The following FXN variants were observed in gnomAD, a reference collection of about 807,000 sequenced individuals.
The protein encoded by FXN is frataxin.
In FXN, 14 loss-of-function variants were observed where a neutral mutation model predicts 22.4. The ratio of observed to expected loss-of-function variants is 0.62; its 90% CI spans 0.41 to 0.98. The LOEUF (loss-of-function observed/expected upper bound fraction) is 0.98, where lower values mean the gene tolerates loss of function less well. Among genes scored for constraint, FXN ranks in the 50% least tolerant of loss-of-function variants. The pLI is 0.00. For missense variants in FXN, 267 were observed against 268.4 expected (o/e 0.99, Z 0.04); for synonymous variants, 120 against 114.1 (o/e 1.05, Z -0.33).
At chr9:69,056,075 C>G (rs949071638) in intron 3 of FXN, among the ~76,000 whole-genome samples, 2 of 151,904 alleles carry the variant, frequency 1.3e-5, no homozygotes, top group African/African-American at 2.4e-5. Context: ...TTATGGGTCT[C>G]GCTATGTTTC....
chr9:69,053,470 T>C (rs1564333623), intron 3 of FXN, among the ~76,000 whole-genome samples: 1 of 130,658 alleles, frequency 7.7e-6, no homozygotes, highest in African/African-American at 3.0e-5. Flanking sequence ...GACTCTGTCA[T>C]AGATGGATGG....
intron 1 of FXN, among the ~76,000 whole-genome samples, chr9:69,040,205 A>G (rs1777217340): frequency 6.6e-6 from 1 of 152,176 alleles, no homozygotes; most frequent in South Asian, 2.1e-4. Context: ...TGCCTTGGGC[A>G]GCTTTTAGAC....
At chr9:69,037,636 G>A (rs1361291802) in intron 1 of FXN, among the ~76,000 whole-genome samples, 1 of 152,156 alleles carries the variant, frequency 6.6e-6, no homozygotes, top group Non-Finnish European at 1.5e-5. Flanking sequence ...TTCCACCCCT[G>A]CCTGTGTGGA....
chr9:69,072,944 A>G lies in FXN; in HGVS notation c.*182A>G, dbSNP rs1832300509. ...TGTGTTGCCTCCTACCTTGCCCCCAAGTTCTGATTTTTAATTTCTATGGAA... is the reference window on the plus strand; with the variant it reads ...TGTGTTGCCTCCTACCTTGCCCCCAGGTTCTGATTTTTAATTTCTATGGAA... On this transcript the variant is annotated 3_prime_UTR_variant, in exon 5 of 5. Transcript: ENST00000484259. The G allele has an allele frequency of 1.7e-5, 24 of 1,450,878 alleles. No individual in the cohort carries two copies. Among genetic ancestry groups the G allele is most frequent in the Non-Finnish European group, 2.1e-5 (23 of 1,111,536 alleles). 89.9% of individuals were successfully genotyped at this position (1,450,878 alleles called of 1,614,324 possible).
At chr9:69,047,582 G>A (rs1831781520) in intron 2 of FXN, among the ~76,000 whole-genome samples, 1 of 152,306 alleles carries the variant, frequency 6.6e-6, no homozygotes, top group Non-Finnish European at 1.5e-5. Context: ...CACAAGGCAG[G>A]CAGGCAGTGG....
chr9:69,072,534 G>A lies in FXN; in HGVS notation c.483-78G>A, dbSNP rs1832293623. On this transcript the variant is annotated intron_variant, in intron 4 of 4. Transcript: ENST00000484259. The stretch of plus-strand genomic sequence containing the variant: ...GAGCTTTACTCCAGTCAATTTCTTG[G>A]GGGCAGCATTTGTGGAATCAGTGGT... 7 of 1,608,944 alleles carry A rather than the reference G, an allele frequency of 4.4e-6. No homozygotes were observed. The South Asian group carries it at 6.6e-5, about 15-fold the overall frequency.
chr9:69,073,346 C>G lies in FXN; in HGVS notation c.*584C>G. On this transcript the variant is annotated 3_prime_UTR_variant, in exon 5 of 5. Coordinates refer to ENST00000484259, the MANE Select transcript of FXN (RefSeq NM_000144.5). The stretch of plus-strand genomic sequence containing the variant: ...TGTGACTGCCAAGGTGTGGCCTGCA[C>G]TGGGTTGTCCAGGGAGACCTAGTGC... 5 of 991,452 alleles carry G rather than the reference C, an allele frequency of 5.0e-6. No individual in the cohort carries two copies. Among genetic ancestry groups the G allele is most frequent in the Non-Finnish European group, 6.0e-6 (5 of 833,500 alleles). 61.4% of individuals were successfully genotyped at this position (991,452 alleles called of 1,614,324 possible).
chr9:69,067,398 A>C (rs1481285191), intron 4 of FXN, among the ~76,000 whole-genome samples: 1 of 152,238 alleles, frequency 6.6e-6, no homozygotes. Flanking sequence ...GGCCGTCGTC[A>C]TTGTTTTTAT....
At chr9:69,052,102 C>T (rs1371243768) in intron 2 of FXN, among the ~76,000 whole-genome samples, 3 of 151,652 alleles carry the variant, frequency 2.0e-5, no homozygotes, top group Non-Finnish European at 4.4e-5. Flanking sequence ...CCCGCCTCAG[C>T]CTCCCAAAAT....
At position 69,037,284 on chromosome 9, in the gene FXN, A is replaced by AAAAAGAAGAAGAAGAAGAAG. The variant is rs544093183; in HGVS notation, c.165+1339_165+1340insAAGAAGAAGAAGAAGAAGAA. 3.3e-3 allele frequency among the ~76,000 whole-genome samples: 260 copies of AAAAAGAAGAAGAAGAAGAAG among 78,042 alleles called. 1 individual carries two copies. The highest frequency in any genetic ancestry group is 5.2e-3 in the Non-Finnish European group (206 of 39,494). 51.2% of individuals were successfully genotyped at this position (78,042 alleles called of 152,430 possible). On this transcript the variant is annotated intron_variant, in intron 1 of 4. Transcript: ENST00000484259. ...ACTAAAAAATACAAAAAAAAAAAAA[A>AAAAAGAAGAAGAAGAAGAAG]AAGAAGAAGAAGAAGAAGAAAATAA...
At chr9:69,063,364 A>G (rs992730861) in intron 3 of FXN, among the ~76,000 whole-genome samples, 1 of 152,202 alleles carries the variant, frequency 6.6e-6, no homozygotes, top group African/African-American at 2.4e-5. Flanking sequence ...ACTCTTTACT[A>G]TGAACCTCTG....
chr9:69,049,795 C>T (rs1035615619), intron 2 of FXN, among the ~76,000 whole-genome samples: 10 of 152,060 alleles, frequency 6.6e-5, no homozygotes, highest in Admixed American at 6.6e-4. Context: ...AGCAATCACT[C>T]CCCCATTCCG....
At chr9:69,072,163 A>T (rs892456844) in intron 4 of FXN, among the ~76,000 whole-genome samples, 1 of 152,242 alleles carries the variant, frequency 6.6e-6, no homozygotes, top group Admixed American at 6.5e-5. Flanking sequence ...ACAACATTGT[A>T]AATGTACTAA....
At chr9:69,044,773 G>A (rs1042448820) in intron 1 of FXN, among the ~76,000 whole-genome samples, 2 of 152,098 alleles carry the variant, frequency 1.3e-5, no homozygotes, top group African/African-American at 4.8e-5. Context: ...TCCCCAGCTG[G>A]TCAGCAGAGC....
intron 3 of FXN, among the ~76,000 whole-genome samples, chr9:69,054,494 G>T (rs1266171154): frequency 1.3e-5 from 2 of 152,012 alleles, no homozygotes; most frequent in South Asian, 4.2e-4. Context: ...TGGTTTTCTG[G>T]GTTGGTTGGT....
chr9:69,057,894 T>C (rs904768004), intron 3 of FXN, among the ~76,000 whole-genome samples: 1 of 152,172 alleles, frequency 6.6e-6, no homozygotes, highest in Non-Finnish European at 1.5e-5. Flanking sequence ...CTACCACCTA[T>C]AACACACTGA....
rs151193551 is a variant in FXN at position 69,065,000 on chromosome 9, G to A, written c.447G>A (p.Thr149=). The A allele has an allele frequency of 8.1e-5, 130 of 1,613,906 alleles. No homozygotes were observed. The highest frequency in any genetic ancestry group is 9.9e-5 in the Non-Finnish European group (117 of 1,179,960). The change falls in exon 4 of 5, where the codon ACG becomes ACA. Residue 149 remains threonine, a synonymous_variant. Transcript: ENST00000484259. ...DLGTYVINKQ[T]PNKQIWLSSP... is the part of the protein sequence containing the mutation. ...GAACCTATGTGATCAACAAGCAGAC[G>A]CCAAACAAGCAAATCTGGCTATCTT...
chr9:69,036,709 A>G (rs952535508), intron 1 of FXN, among the ~76,000 whole-genome samples: 1 of 152,244 alleles, frequency 6.6e-6, no homozygotes, highest in African/African-American at 2.4e-5. Flanking sequence ...AGTCTTCAGA[A>G]CTTCAAATTA....
intron 3 of FXN, among the ~76,000 whole-genome samples, chr9:69,055,557 G>A (rs966706595): frequency 7.1e-6 from 1 of 141,514 alleles, no homozygotes; most frequent in African/African-American, 2.6e-5. Context: ...GCAGTTGTGT[G>A]ATCTCAGCTC....
Sources: gnomAD v4.1 joint callset for allele counts (sites outside exome capture counted in the v4.1 genomes callset) on GRCh38, gnomAD v4.1.1 for gene constraint, MANE v1.5 for transcripts, NCBI Gene and HGNC (gene_info 2026-07-23, HGNC 2026-07-21) for gene names.